Variants in NELL1 observed in about 807,000 individuals in gnomAD.
NELL1 encodes the protein protein kinase C-binding protein NELL1.
A neutral mutation model predicts 107.4 loss-of-function variants in NELL1; 76 were observed. That is an observed-to-expected ratio of 0.71 (90% CI 0.59 to 0.86). The LOEUF (loss-of-function observed/expected upper bound fraction) is 0.86. Among genes scored for constraint, NELL1 ranks in the 40% least tolerant of loss-of-function variants. The probability of loss-of-function intolerance (pLI) is 0.00; values close to 1 mark genes in which losing one functional copy is unlikely to be tolerated. For missense variants in NELL1, 1,024 were observed against 1,005.5 expected, an observed-to-expected ratio of 1.02 and a Z score of -0.25; for synonymous variants, 353 against 341.2, an observed-to-expected ratio of 1.03 and a Z score of -0.38.
chr11:21,362,802 G>C (rs943862806), intron 14 of NELL1, among the ~76,000 whole-genome samples: 7 of 152,162 alleles, frequency 4.6e-5, no homozygotes, highest in Non-Finnish European at 1.5e-5. Flanking sequence ...ATTATCAGGT[G>C]GGGGAGGCTT....
chr11:20,731,646 C>G (rs1855646959), intron 2 of NELL1, among the ~76,000 whole-genome samples: 1 of 152,164 alleles, frequency 6.6e-6, no homozygotes, highest in Non-Finnish European at 1.5e-5. Context: ...GAATTCCAGA[C>G]TTACAATTCA....
chr11:21,368,170 T>C (rs1287548332), intron 14 of NELL1, among the ~76,000 whole-genome samples: 3 of 152,136 alleles, frequency 2.0e-5, no homozygotes, highest in African/African-American at 4.8e-5. Context: ...TGGTATATTG[T>C]CTAAGGTTCA....
At chr11:21,511,697 A>G (rs1033490146) in intron 15 of NELL1, among the ~76,000 whole-genome samples, 1 of 152,202 alleles carries the variant, frequency 6.6e-6, no homozygotes, top group African/African-American at 2.4e-5. Flanking sequence ...TAAGAACACA[A>G]CACAGGTAGA....
intron 2 of NELL1, among the ~76,000 whole-genome samples, chr11:20,716,441 T>C (rs1175779325): frequency 6.6e-6 from 1 of 152,252 alleles, no homozygotes; most frequent in African/African-American, 2.4e-5. Flanking sequence ...TGCCTCGATC[T>C]TTAACAAAAA....
chr11:20,869,847 A>T (rs1381325085), intron 4 of NELL1, among the ~76,000 whole-genome samples: 2 of 152,218 alleles, frequency 1.3e-5, no homozygotes, highest in African/African-American at 4.8e-5. Context: ...CTTATAGCGT[A>T]TCTTCCTGCA....
intron 15 of NELL1, among the ~76,000 whole-genome samples, chr11:21,503,746 T>G (rs531781334): frequency 6.6e-6 from 1 of 152,214 alleles, no homozygotes; most frequent in East Asian, 1.9e-4. Context: ...ACCCTGCAAA[T>G]AATGGCTGCA....
chr11:20,740,347 C>A (rs184060591), intron 2 of NELL1, among the ~76,000 whole-genome samples: 4 of 152,314 alleles, frequency 2.6e-5, no homozygotes, highest in Admixed American at 2.6e-4. Context: ...CAGTCCCTGC[C>A]ATCTCTGGGA....
chr11:21,237,668 G>A (rs543635777), intron 14 of NELL1, among the ~76,000 whole-genome samples: 2 of 152,040 alleles, frequency 1.3e-5, no homozygotes, highest in Non-Finnish European at 2.9e-5. Context: ...AAAAGACAAA[G>A]GTAGTCCAAT....
chr11:20,869,823 T>C (rs1164454554), intron 4 of NELL1, among the ~76,000 whole-genome samples: 1 of 152,190 alleles, frequency 6.6e-6, no homozygotes, highest in Non-Finnish European at 1.5e-5. Flanking sequence ...TCATCTGAGT[T>C]TAGAATTGCT....
intron 3 of NELL1, among the ~76,000 whole-genome samples, chr11:20,798,350 G>T (rs577092532): frequency 4.6e-5 from 7 of 152,296 alleles, no homozygotes; most frequent in African/African-American, 1.7e-4. Context: ...GCTCTTGCTT[G>T]TATATGTGCA....
intron 15 of NELL1, among the ~76,000 whole-genome samples, chr11:21,384,393 T>C (rs1851685701): frequency 6.6e-6 from 1 of 152,030 alleles, no homozygotes; most frequent in Non-Finnish European, 1.5e-5. Flanking sequence ...CCTCACTTTT[T>C]ATCCCCTTTT....
chr11:21,570,582 C>T (rs887068754), intron 17 of NELL1, among the ~76,000 whole-genome samples, 182 bp from the exon 18 acceptor site: 5 of 151,698 alleles, frequency 3.3e-5, no homozygotes, highest in Non-Finnish European at 5.9e-5. Flanking sequence ...ATTTTTTCTG[C>T]TCTGCAAGCA....
rs79119580 is a variant in NELL1 at position 21,495,043 on chromosome 11, G to A, written c.1646-39331G>A. On this transcript the variant is annotated intron_variant, in intron 15 of 19. Coordinates refer to ENST00000357134, the MANE Select transcript of NELL1 (RefSeq NM_006157.5). ...TTCAAATATCATACATTTAACCCAT[G>A]TAAAACATATGAGTAAATCAGTTTT... is the stretch of plus-strand genomic sequence containing the variant. Among the ~76,000 whole-genome samples the A allele has an allele frequency of 0.013, 2,050 of 152,124 alleles. 149 individuals carry two copies. In the East Asian group the frequency reaches 0.23, roughly 17 times the overall value.
At chr11:21,102,491 G>T (rs1854845442) in intron 12 of NELL1, among the ~76,000 whole-genome samples, 1 of 152,140 alleles carries the variant, frequency 6.6e-6, no homozygotes, top group African/African-American at 2.4e-5. Context: ...TAGACTAGTT[G>T]CTTAGTCTCC....
chr11:20,782,223 A>G (rs1307393400), intron 2 of NELL1, among the ~76,000 whole-genome samples: 3 of 152,158 alleles, frequency 2.0e-5, no homozygotes, highest in Non-Finnish European at 1.5e-5. Context: ...TTTTCTCAAC[A>G]CTTGATAAAA....
chr11:21,398,391 C>G (rs146282919), intron 15 of NELL1, among the ~76,000 whole-genome samples: 1,942 of 151,850 alleles, frequency 0.013, 25 homozygotes, highest in South Asian at 0.049. Flanking sequence ...TTCACTCCGT[C>G]AGCTCTTCTG....
intron 12 of NELL1, among the ~76,000 whole-genome samples, chr11:21,001,673 G>T (rs922620172): frequency 2.0e-5 from 3 of 151,844 alleles, no homozygotes; most frequent in African/African-American, 4.8e-5. Flanking sequence ...GCAAAATAGA[G>T]AAAATAAGAG....
intron 12 of NELL1, among the ~76,000 whole-genome samples, chr11:21,098,970 TTATTA>T: frequency 6.6e-6 from 1 of 152,066 alleles, no homozygotes; most frequent in Non-Finnish European, 1.5e-5. Context: ...ATTATTATTA[TTATTA>T]TATTTGTGTA....
intron 15 of NELL1, among the ~76,000 whole-genome samples, chr11:21,434,441 A>G (rs971298702): frequency 2.0e-5 from 3 of 152,070 alleles, no homozygotes; most frequent in African/African-American, 7.2e-5. Context: ...CATTTATTGA[A>G]CAGGGTGCCC....
Sources: gnomAD v4.1 joint callset for allele counts (sites outside exome capture counted in the v4.1 genomes callset) on GRCh38, gnomAD v4.1.1 for gene constraint, MANE v1.5 for transcripts, NCBI Gene and HGNC (gene_info 2026-07-23, HGNC 2026-07-21) for gene names.